Variants in PLCL1 observed in about 807,000 individuals in gnomAD.
PLCL1 encodes inactive phospholipase C-like protein 1.
PLCL1 carries 41 observed loss-of-function variants against 84.4 expected under a neutral mutation model. The observed-to-expected ratio is 0.49, with a 90% confidence interval of 0.38 to 0.63. The LOEUF (loss-of-function observed/expected upper bound fraction) is 0.63, where lower values mean the gene tolerates loss of function less well. Among genes scored for constraint, PLCL1 ranks in the 30% least tolerant of loss-of-function variants. The probability of loss-of-function intolerance (pLI) is 0.00; values close to 1 mark genes in which losing one functional copy is unlikely to be tolerated. For synonymous variants in PLCL1, 490 were observed against 488.3 expected, an observed-to-expected ratio of 1.00 and a Z score of -0.05; for missense variants, 1,206 against 1,367.8, an observed-to-expected ratio of 0.88 and a Z score of 1.87.
intron 1 of PLCL1, among the ~76,000 whole-genome samples, chr2:197,816,806 T>C (rs2106416768): frequency 6.6e-6 from 1 of 152,294 alleles, no homozygotes; most frequent in South Asian, 2.1e-4. Context: ...GCAGATATAG[T>C]GCCTTACATG....
At chr2:197,850,868 C>T (rs1407985120) in intron 1 of PLCL1, among the ~76,000 whole-genome samples, 1 of 152,168 alleles carries the variant, frequency 6.6e-6, no homozygotes, top group Non-Finnish European at 1.5e-5. Flanking sequence ...AATCCTCTCT[C>T]CAGGAGAGTT....
At chr2:197,886,999 T>C (rs868496065) in intron 1 of PLCL1, among the ~76,000 whole-genome samples, 2 of 152,232 alleles carry the variant, frequency 1.3e-5, no homozygotes, top group Non-Finnish European at 1.5e-5. Flanking sequence ...CCAAGTTGAG[T>C]ATAGCCATGC....
chr2:198,078,453 C>T (rs1692633605), intron 1 of PLCL1, among the ~76,000 whole-genome samples: 2 of 152,082 alleles, frequency 1.3e-5, no homozygotes, highest in African/African-American at 4.8e-5. Flanking sequence ...TATATATGAA[C>T]AGATAGGGTC....
chr2:198,124,527 T>A (rs1693942954), intron 5 of PLCL1, among the ~76,000 whole-genome samples: 1 of 152,064 alleles, frequency 6.6e-6, no homozygotes, highest in African/African-American at 2.4e-5. Context: ...ATGAGGTTTC[T>A]TGGGGGTGGT....
intron 5 of PLCL1, among the ~76,000 whole-genome samples, chr2:198,127,469 T>C (rs1694016220): frequency 6.6e-6 from 1 of 152,174 alleles, no homozygotes; most frequent in Non-Finnish European, 1.5e-5. Flanking sequence ...AGTTTTACGT[T>C]ACCATTTTTT....
intron 1 of PLCL1, among the ~76,000 whole-genome samples, chr2:197,922,863 G>A (rs1688737494): frequency 3.9e-5 from 5 of 127,802 alleles, no homozygotes; most frequent in Non-Finnish European, 6.9e-5. Flanking sequence ...GGGCAGAGGC[G>A]CCCCTCACCT....
In PLCL1 at chr2:197,925,216, T is replaced by C. The variant is rs144855835; in HGVS notation, c.240+119877T>C. On this transcript the variant is annotated intron_variant, in intron 1 of 5. Coordinates refer to ENST00000428675, the MANE Select transcript of PLCL1 (RefSeq NM_006226.4). ...AAAAAATCTGTATTTATATGGGTGA[T>C]AAAGTGAAAAATATAAAATAAAATT... 3.4e-3 allele frequency among the ~76,000 whole-genome samples: 525 copies of C among 152,294 alleles called. 4 individuals are homozygous for C. The highest frequency in any genetic ancestry group is 0.012 in the African/African-American group (488 of 41,562).
intron 5 of PLCL1, among the ~76,000 whole-genome samples, chr2:198,138,180 T>C (rs1694302771): frequency 6.6e-6 from 1 of 152,186 alleles, no homozygotes; most frequent in South Asian, 2.1e-4. Flanking sequence ...TTTTTTGTTT[T>C]GTTTTGTTTT....
intron 1 of PLCL1, among the ~76,000 whole-genome samples, chr2:197,981,716 C>A (rs984780874): frequency 1.3e-5 from 2 of 152,076 alleles, no homozygotes; most frequent in Non-Finnish European, 2.9e-5. Flanking sequence ...TTTTCCAGAA[C>A]GAATTTATCC....
intron 1 of PLCL1, among the ~76,000 whole-genome samples, chr2:198,042,376 A>T (rs765202838): frequency 4.6e-4 from 70 of 152,188 alleles, no homozygotes; most frequent in Non-Finnish European, 8.5e-4. Flanking sequence ...ATGTTTTAAC[A>T]TTATTTTAGA....
intron 1 of PLCL1, chr2:198,001,828 G>A (rs1039526954): frequency 4.9e-5 from 9 of 183,888 alleles, no homozygotes; most frequent in South Asian, 4.1e-4. Context: ...GATCAGTGGC[G>A]GCATTAGATT....
At chr2:197,936,579 T>A (rs1220658714) in intron 1 of PLCL1, among the ~76,000 whole-genome samples, 1 of 152,132 alleles carries the variant, frequency 6.6e-6, no homozygotes, top group Non-Finnish European at 1.5e-5. Flanking sequence ...GTCTTTTCCC[T>A]GTTTTAAAAT....
intron 1 of PLCL1, among the ~76,000 whole-genome samples, chr2:197,842,744 T>C (rs943617283): frequency 3.3e-5 from 5 of 152,168 alleles, no homozygotes; most frequent in African/African-American, 1.2e-4. Flanking sequence ...TACCAGCACC[T>C]AAAATTGTTC....
chr2:197,965,982 T>A (rs1297654767), intron 1 of PLCL1, among the ~76,000 whole-genome samples: 1 of 152,048 alleles, frequency 6.6e-6, no homozygotes, highest in East Asian at 1.9e-4. Context: ...GGCTCTTTAG[T>A]CAGCAGATGA....
At chr2:198,044,280 C>A (rs573594362) in intron 1 of PLCL1, among the ~76,000 whole-genome samples, 2 of 152,190 alleles carry the variant, frequency 1.3e-5, no homozygotes, top group Non-Finnish European at 2.9e-5. Flanking sequence ...TACAGTGTTA[C>A]TGAAACCTGC....
At chr2:197,828,891 A>G (rs1009823206) in intron 1 of PLCL1, among the ~76,000 whole-genome samples, 2 of 152,198 alleles carry the variant, frequency 1.3e-5, no homozygotes, top group African/African-American at 2.4e-5. Flanking sequence ...AATCCATTGC[A>G]GTTCTTTACA....
chr2:198,038,359 G>A (rs1030479027), intron 1 of PLCL1, among the ~76,000 whole-genome samples: 2 of 152,102 alleles, frequency 1.3e-5, no homozygotes, highest in Non-Finnish European at 2.9e-5. Context: ...TTGTAAGTCT[G>A]TGGGATTGCT....
chr2:198,114,027 T>C (rs953472159), intron 5 of PLCL1, among the ~76,000 whole-genome samples: 3 of 151,676 alleles, frequency 2.0e-5, no homozygotes, highest in Non-Finnish European at 2.9e-5. Flanking sequence ...TTATATAATA[T>C]AGAATATTAG....
intron 5 of PLCL1, among the ~76,000 whole-genome samples, chr2:198,105,975 G>A (rs536359462): frequency 1.3e-5 from 2 of 151,886 alleles, no homozygotes; most frequent in South Asian, 2.1e-4. Flanking sequence ...CAGCTAAATG[G>A]GAGAAAAATA....
Sources: allele counts gnomAD v4.1 joint callset (sites outside exome capture counted in the v4.1 genomes callset), GRCh38; gene constraint gnomAD v4.1.1; transcripts MANE v1.5; gene names NCBI Gene and HGNC (gene_info 2026-07-23, HGNC 2026-07-21).